The following LCLAT1 variants were observed in gnomAD, a reference collection of about 807,000 sequenced individuals.
LCLAT1 encodes the protein 1-AGP acyltransferase 8.
In LCLAT1, 11 loss-of-function variants were observed where a neutral mutation model predicts 30.7. The observed-to-expected ratio is 0.36, with a 90% CI of 0.23 to 0.59. The LOEUF (loss-of-function observed/expected upper bound fraction) is 0.59, where lower values mean the gene tolerates loss of function less well. LCLAT1 is among the 20% of genes least tolerant of loss of function. The probability of loss-of-function intolerance (pLI) is 0.77; values close to 1 mark genes in which losing one functional copy is unlikely to be tolerated. For missense variants in LCLAT1, 402 were observed against 458.6 expected (o/e 0.88, Z 1.13); for synonymous variants, 155 against 151.3 (o/e 1.02, Z -0.18).
chr2:30,481,226 G>A (rs532800648), intron 1 of LCLAT1, among the ~76,000 whole-genome samples: 3 of 152,296 alleles, frequency 2.0e-5, no homozygotes, highest in East Asian at 1.9e-4. Flanking sequence ...ATGGAAAGCC[G>A]TTAAAGGCTT....
chr2:30,644,199 G>A lies in LCLAT1; in HGVS notation c.*3580G>A, dbSNP rs1669451547. ...TGTGTTATCTGTAATATACATCCCA[G>A]AATAAAGGAGTGAATTAAATAGTTT... On this transcript the variant is annotated 3_prime_UTR_variant, in exon 6 of 6. Coordinates refer to ENST00000379509, the MANE Select transcript of LCLAT1 (RefSeq NM_001002257.3). 6.6e-6 allele frequency: 1 copy of A among 152,118 alleles called. No individual in the cohort carries two copies. Among genetic ancestry groups the A allele is most frequent in the Non-Finnish European group, 1.5e-5 (1 of 68,026 alleles). The allele number at this position is 152,118 out of a possible 1,614,324, so 9.4% of individuals were successfully genotyped here. A position where few individuals can be genotyped will look rare whatever the true frequency, so the allele number is the denominator to read the frequency against.
intron 5 of LCLAT1, among the ~76,000 whole-genome samples, chr2:30,574,647 C>T (rs934236885): frequency 3.9e-5 from 6 of 152,120 alleles, no homozygotes; most frequent in East Asian, 1.9e-4. Context: ...TCTAAAGGTA[C>T]GGGTAGACTG....
chr2:30,639,050 T>C (rs1035575428), intron 5 of LCLAT1, among the ~76,000 whole-genome samples: 2 of 152,200 alleles, frequency 1.3e-5, no homozygotes, highest in African/African-American at 4.8e-5. Flanking sequence ...TCCTTCTGTC[T>C]GAAATCCTTA....
chr2:30,583,842 G>C lies in LCLAT1; in HGVS notation c.628+15666G>C, dbSNP rs116529247. Among the ~76,000 whole-genome samples the C allele has an allele frequency of 6.6e-3, 1,008 of 152,104 alleles. 10 individuals are homozygous for C. Among genetic ancestry groups the C allele is most frequent in the African/African-American group, 0.023 (957 of 41,472 alleles). On this transcript the variant is annotated intron_variant, in intron 5 of 5. Transcript: ENST00000379509. ...AGGATTTTAAATTTGCTTTGGTTTG[G>C]TTTTTTTCATGTTGAATTAGGTGGG...
chr2:30,617,350 G>C (rs1416594152), intron 5 of LCLAT1, among the ~76,000 whole-genome samples: 1 of 152,132 alleles, frequency 6.6e-6, no homozygotes, highest in Admixed American at 6.5e-5. Context: ...CCATATTGCT[G>C]CATGAATCTG....
At chr2:30,553,625 C>G (rs1469517892) in intron 3 of LCLAT1, among the ~76,000 whole-genome samples, 3 of 151,600 alleles carry the variant, frequency 2.0e-5, no homozygotes, top group Non-Finnish European at 4.4e-5. Context: ...ACCATCCTGG[C>G]TAACAAGGTG....
At chr2:30,591,522 G>A (rs1666692808) in intron 5 of LCLAT1, among the ~76,000 whole-genome samples, 1 of 152,158 alleles carries the variant, frequency 6.6e-6, no homozygotes, top group South Asian at 2.1e-4. Flanking sequence ...AAACAAAGTA[G>A]TATGTTTAAT....
At chr2:30,575,933 T>G (rs1359586896) in intron 5 of LCLAT1, among the ~76,000 whole-genome samples, 2 of 152,128 alleles carry the variant, frequency 1.3e-5, no homozygotes, top group Non-Finnish European at 2.9e-5. Context: ...TAGCCAGCTA[T>G]AAAAATGCCT....
intron 5 of LCLAT1, among the ~76,000 whole-genome samples, chr2:30,604,807 A>T (rs554934666): frequency 1.3e-5 from 2 of 152,334 alleles, no homozygotes; most frequent in South Asian, 4.1e-4. Context: ...AAAGCATCAT[A>T]CTGTTTGTTT....
chr2:30,609,685 G>GCCCA (rs1283555888), intron 5 of LCLAT1, among the ~76,000 whole-genome samples: 1 of 152,058 alleles, frequency 6.6e-6, no homozygotes, highest in Non-Finnish European at 1.5e-5. Flanking sequence ...AGGCATTTCA[G>GCCCA]CCCACAGTGA....
At chr2:30,516,797 A>C (rs1466082385) in intron 1 of LCLAT1, among the ~76,000 whole-genome samples, 1 of 152,182 alleles carries the variant, frequency 6.6e-6, no homozygotes, top group Non-Finnish European at 1.5e-5. Context: ...CCTTAGAATC[A>C]GAGGAAAATA....
At chr2:30,562,348 T>G (rs1403874687) in intron 4 of LCLAT1, 56 bp downstream of exon 4, 2 of 1,418,664 alleles carry the variant, frequency 1.4e-6, no homozygotes, top group Non-Finnish European at 1.9e-6. Context: ...ACTTCTCATT[T>G]CTCAGATGAA....
At chr2:30,515,882 C>A (rs978966145) in intron 1 of LCLAT1, among the ~76,000 whole-genome samples, 15 of 152,166 alleles carry the variant, frequency 9.9e-5, no homozygotes, top group Non-Finnish European at 1.5e-5. Context: ...CAGAAGCTGG[C>A]AACTCCCATT....
At chr2:30,472,244 G>A (rs1682836315) in intron 1 of LCLAT1, among the ~76,000 whole-genome samples, 1 of 152,178 alleles carries the variant, frequency 6.6e-6, no homozygotes, top group Admixed American at 6.5e-5. Context: ...AAGGAGACAA[G>A]ACTTTCAGAA....
At chr2:30,483,896 C>A (rs1203301490) in intron 1 of LCLAT1, among the ~76,000 whole-genome samples, 1 of 152,118 alleles carries the variant, frequency 6.6e-6, no homozygotes, top group Non-Finnish European at 1.5e-5. Context: ...CCCCAGTTTG[C>A]CACTAAATAG....
intron 5 of LCLAT1, among the ~76,000 whole-genome samples, chr2:30,629,978 G>C (rs1029430581): frequency 1.8e-4 from 28 of 151,758 alleles, no homozygotes; most frequent in African/African-American, 6.3e-4. Flanking sequence ...GTATTTGTCT[G>C]CTAGAGAGGC....
At chr2:30,473,079 G>C (rs530061929) in intron 1 of LCLAT1, among the ~76,000 whole-genome samples, 1 of 152,160 alleles carries the variant, frequency 6.6e-6, no homozygotes, top group Admixed American at 6.5e-5. Flanking sequence ...AGTCAGGAGA[G>C]AGATTTCCAT....
chr2:30,500,781 C>T (rs1245852496), intron 1 of LCLAT1, among the ~76,000 whole-genome samples: 1 of 152,176 alleles, frequency 6.6e-6, no homozygotes, highest in Non-Finnish European at 1.5e-5. Context: ...AACTAGCCCA[C>T]TTGTCCCATA....
chr2:30,535,729 A>G (rs1442832512), intron 3 of LCLAT1, among the ~76,000 whole-genome samples: 2 of 152,220 alleles, frequency 1.3e-5, no homozygotes, highest in Non-Finnish European at 2.9e-5. Flanking sequence ...CACAGATACC[A>G]GTGTAGGAAC....
Sources: allele counts gnomAD v4.1 joint callset (sites outside exome capture counted in the v4.1 genomes callset), GRCh38; gene constraint gnomAD v4.1.1; transcripts MANE v1.5; gene names NCBI Gene and HGNC (gene_info 2026-07-23, HGNC 2026-07-21).